CEP70: variants seen among roughly 807,000 people sequenced by gnomAD.
CEP70 encodes the protein centrosomal protein 70, also known as centrosomal protein of 70 kDa.
Under a neutral mutation model 90.9 loss-of-function variants are expected in CEP70, and 70 were observed. The observed-to-expected ratio is 0.77, with a 90% CI of 0.64 to 0.94. The LOEUF (loss-of-function observed/expected upper bound fraction) is 0.94. Ranked by LOEUF, CEP70 falls within the 40% of genes least tolerant of loss-of-function variation. The probability of loss-of-function intolerance (pLI) is 0.00; values close to 1 mark genes in which losing one functional copy is unlikely to be tolerated. For missense variants in CEP70, 648 were observed against 669.0 expected, an observed-to-expected ratio of 0.97 and a Z score of 0.35; for synonymous variants, 220 against 228.3, an observed-to-expected ratio of 0.96 and a Z score of 0.33.
chr3:138,519,236 G>A lies in CEP70; in HGVS notation c.944+6254C>T, dbSNP rs35834585. ...GTACCTGAAAGTGACGGGGAGAATG[G>A]AACCAAGCTGGAAAACACTCTGCAG... is the stretch of plus-strand genomic sequence containing the variant. On this transcript the variant is annotated intron_variant, in intron 11 of 17. Transcript: ENST00000264982. 9.4e-5 allele frequency among the ~76,000 whole-genome samples: 13 copies of A among 137,764 alleles called. No individual in the cohort carries two copies. The East Asian group carries it at 1.6e-3, about 16-fold the overall frequency. 90.4% of individuals were successfully genotyped at this position (137,764 alleles called of 152,430 possible). A position where few individuals can be genotyped will look rare whatever the true frequency, so the allele number is the denominator to read the frequency against.
Position 138,494,972 on chromosome 3 carries a change from G to A in CEP70, c.*43C>T, listed in dbSNP as rs2033865439. The stretch of plus-strand genomic sequence containing the variant: ...AGATCAATCCTACAAAATACAAAAT[G>A]TTAAGAATACAATTTACACAGTAAA... On this transcript the variant is annotated 3_prime_UTR_variant, in exon 18 of 18. Coordinates refer to ENST00000264982, the MANE Select transcript of CEP70 (RefSeq NM_024491.4). The A allele has an allele frequency of 9.3e-7, 1 of 1,070,844 alleles. No homozygotes were observed. The highest frequency in any genetic ancestry group is 1.4e-6 in the Non-Finnish European group (1 of 706,488). 66.3% of individuals were successfully genotyped at this position (1,070,844 alleles called of 1,614,324 possible). A position where few individuals can be genotyped will look rare whatever the true frequency, so the allele number is the denominator to read the frequency against.
intron 2 of CEP70, among the ~76,000 whole-genome samples, chr3:138,580,543 A>G (rs564053556): frequency 1.3e-5 from 2 of 152,284 alleles, no homozygotes; most frequent in Admixed American, 6.5e-5. Flanking sequence ...AAGTCTTCCC[A>G]AGAAGGATGG....
At chr3:138,581,473 G>T (rs2041851840) in intron 2 of CEP70, among the ~76,000 whole-genome samples, 1 of 151,732 alleles carries the variant, frequency 6.6e-6, no homozygotes, top group Non-Finnish European at 1.5e-5. Context: ...AGAGGTGAAG[G>T]TGGGTGGATC....
chr3:138,561,842 G>A (rs1389685197), intron 6 of CEP70, among the ~76,000 whole-genome samples: 1 of 151,802 alleles, frequency 6.6e-6, no homozygotes, highest in Non-Finnish European at 1.5e-5. Context: ...GGCTAACACA[G>A]TGAAACCCCG....
chr3:138,500,479 T>C lies in CEP70; in HGVS notation c.1457A>G (p.Tyr486Cys). 2 of 1,611,884 alleles carry C rather than the reference T, an allele frequency of 1.2e-6. No individual in the cohort carries two copies. Among genetic ancestry groups the C allele is most frequent in the Non-Finnish European group, 8.5e-7 (1 of 1,179,454 alleles). ...LFDVPSLNGV[Y>C]PRMNEVYTRL... Reference sequence around the variant, plus strand: ...AGTATAAACTTCATTCATTCGGGGATAGACTCCATTTAAAGAAGGCACATC... The same window carrying C: ...AGTATAAACTTCATTCATTCGGGGACAGACTCCATTTAAAGAAGGCACATC... Residue 486 changes from tyrosine to cysteine, a missense_variant, in exon 15 of 18, where the codon TAT becomes TGT. Transcript: ENST00000264982.
intron 11 of CEP70, among the ~76,000 whole-genome samples, chr3:138,513,661 T>C (rs1490018329): frequency 1.3e-5 from 2 of 152,174 alleles, no homozygotes; most frequent in African/African-American, 4.8e-5. Context: ...GTTTGACTGT[T>C]AATTTCACTT....
At chr3:138,551,261 A>G (rs921407203) in intron 6 of CEP70, among the ~76,000 whole-genome samples, 3 of 152,238 alleles carry the variant, frequency 2.0e-5, no homozygotes, top group South Asian at 2.1e-4. Context: ...TTGTATCCAG[A>G]GAAACTAAGC....
chr3:138,500,052 G>C, intron 16 of CEP70, 58 bp downstream of exon 16: 1 of 1,143,148 alleles, frequency 8.7e-7, no homozygotes, highest in Non-Finnish European at 1.3e-6. Context: ...GACTACAGGC[G>C]TGTGCCACCA....
At chr3:138,499,643 A>G (rs569590752) in intron 16 of CEP70, among the ~76,000 whole-genome samples, 1 of 152,250 alleles carries the variant, frequency 6.6e-6, no homozygotes, top group Admixed American at 6.5e-5. Context: ...TACTTAAAAG[A>G]TGCTATTCCA....
At chr3:138,562,223 G>A (rs1003290506) in intron 6 of CEP70, among the ~76,000 whole-genome samples, 2 of 152,022 alleles carry the variant, frequency 1.3e-5, no homozygotes, top group Non-Finnish European at 2.9e-5. Context: ...CCAAATCTAC[G>A]TTTGATTATT....
At chr3:138,531,829 A>G (rs1455535725) in intron 8 of CEP70, among the ~76,000 whole-genome samples, 2 of 151,932 alleles carry the variant, frequency 1.3e-5, no homozygotes, top group African/African-American at 4.8e-5. Context: ...ACTAGAGCAT[A>G]CGCTTCATAA....
At chr3:138,577,210 GGGGA>G (rs1385822014) in intron 2 of CEP70, among the ~76,000 whole-genome samples, 5 of 152,138 alleles carry the variant, frequency 3.3e-5, no homozygotes, top group Admixed American at 6.5e-5. Flanking sequence ...TGGGGGGATG[GGGGA>G]GGGATAGCAT....
chr3:138,516,943 A>G (rs1372853033), intron 11 of CEP70, among the ~76,000 whole-genome samples: 1 of 152,178 alleles, frequency 6.6e-6, no homozygotes, highest in Non-Finnish European at 1.5e-5. Flanking sequence ...AGAAAACACA[A>G]TCACTGAGAT....
chr3:138,591,363 C>A (rs1232925047), intron 2 of CEP70, among the ~76,000 whole-genome samples: 2 of 149,718 alleles, frequency 1.3e-5, no homozygotes, highest in Non-Finnish European at 2.9e-5. Context: ...ACAAATATTC[C>A]AATTTTTTTT....
At chr3:138,498,861 A>G (rs1425296936) in intron 16 of CEP70, among the ~76,000 whole-genome samples, 1 of 151,748 alleles carries the variant, frequency 6.6e-6, no homozygotes, top group African/African-American at 2.4e-5. Flanking sequence ...AGCCTGGCCA[A>G]CATGGTGAAA....
In CEP70 at chr3:138,557,209, G is replaced by A. The variant is rs184766543; in HGVS notation, c.465+13109C>T. ...ATGGCTCTGTTCCGCCCAGCTCACC[G>A]GCGGTCAGAGTTTAAGGTTCTCTCT... On this transcript the variant is annotated intron_variant, in intron 6 of 17. Coordinates refer to ENST00000264982, the MANE Select transcript of CEP70 (RefSeq NM_024491.4). 5.6e-3 allele frequency among the ~76,000 whole-genome samples: 845 copies of A among 152,228 alleles called. 6 individuals are homozygous for A. The highest frequency in any genetic ancestry group is 0.02 in the African/African-American group (813 of 41,520).
chr3:138,543,472 G>A (rs958114142), intron 6 of CEP70, among the ~76,000 whole-genome samples: 2 of 152,210 alleles, frequency 1.3e-5, no homozygotes, highest in African/African-American at 4.8e-5. Flanking sequence ...CAGGCAGTGG[G>A]AGCAAGTACT....
At chr3:138,562,905 T>C (rs939771390) in intron 6 of CEP70, among the ~76,000 whole-genome samples, 3 of 151,998 alleles carry the variant, frequency 2.0e-5, no homozygotes, top group Non-Finnish European at 4.4e-5. Context: ...AAGACACAGA[T>C]TGGCAAATTA....
chr3:138,576,111 TA>T (rs1434670208), intron 2 of CEP70, among the ~76,000 whole-genome samples: 10 of 152,170 alleles, frequency 6.6e-5, no homozygotes, highest in African/African-American at 2.2e-4. Context: ...ATATTAACCT[TA>T]AATGTAAATG....
Sources: gnomAD v4.1 joint callset for allele counts (sites outside exome capture counted in the v4.1 genomes callset) on GRCh38, gnomAD v4.1.1 for gene constraint, MANE v1.5 for transcripts, NCBI Gene and HGNC (gene_info 2026-07-23, HGNC 2026-07-21) for gene names.